LRP2BP: variants seen among roughly 807,000 people sequenced by gnomAD.
LRP2BP encodes the protein LRP2-binding protein.
Under a neutral mutation model 45.2 loss-of-function variants are expected in LRP2BP, and 38 were observed. The observed-to-expected ratio is 0.84, with a 90% confidence interval of 0.65 to 1.10. LRP2BP has a LOEUF of 1.10. Ranked by LOEUF, LRP2BP falls within the 50% of genes least tolerant of loss-of-function variation. The probability of loss-of-function intolerance (pLI) is 0.00; values close to 1 mark genes in which losing one functional copy is unlikely to be tolerated. For missense variants in LRP2BP, 385 were observed against 418.9 expected (o/e 0.92, Z 0.71); for synonymous variants, 153 against 153.9 (o/e 0.99, Z 0.04).
intron 1 of LRP2BP, chr4:185,378,934 A>G (rs1386959430): frequency 4.1e-6 from 4 of 985,442 alleles, no homozygotes; most frequent in Non-Finnish European, 4.8e-6. Flanking sequence ...TTGGTGGTCA[A>G]GAGAAGAAAT....
At chr4:185,385,628 C>T (rs1483668132) in intron 1 of LRP2BP, among the ~76,000 whole-genome samples, 2 of 152,174 alleles carry the variant, frequency 1.3e-5, no homozygotes, top group African/African-American at 4.8e-5. Context: ...CCAGGCCAGG[C>T]GCGGTGGCTC....
At chr4:185,389,391 T>C (rs1299717549) in intron 1 of LRP2BP, among the ~76,000 whole-genome samples, 2 of 150,920 alleles carry the variant, frequency 1.3e-5, no homozygotes, top group Non-Finnish European at 3.0e-5. Context: ...TTGTATTTTT[T>C]AATAGAGACG....
rs1312586080 is a variant in LRP2BP at position 185,395,507 on chromosome 4, ATC to A, written c.-752_-751del. The A allele has an allele frequency of 6.1e-6, 6 of 985,172 alleles. No homozygotes were observed. In the Admixed American group the frequency reaches 1.8e-4, roughly 30 times the overall value. The allele number at this position is 985,172 out of a possible 1,614,324, so 61.0% of individuals were successfully genotyped here. On this transcript the variant is annotated 5_prime_UTR_variant, in exon 1 of 9. The change abolishes the stop of an existing upstream ORF in the 5' untranslated region. Coordinates refer to ENST00000505916, the MANE Select transcript of LRP2BP (RefSeq NM_001377440.1). ...CTCACCTCACAAATCTGACAACAGT[ATC>A]TCTACACTGCCGTTCTTTAAACATC...
chr4:185,377,078 GT>G, intron 2 of LRP2BP, 60 bp from the exon 3 acceptor site: 1 of 1,181,278 alleles, frequency 8.5e-7, no homozygotes, highest in Non-Finnish European at 1.3e-6. Flanking sequence ...CTCTCTTGAA[GT>G]AATGAATCAT....
chr4:185,377,269 A>C, intron 2 of LRP2BP: 1 of 412,302 alleles, frequency 2.4e-6, no homozygotes, highest in Non-Finnish European at 4.5e-6. Flanking sequence ...TGTAAATCTC[A>C]GCACTCTGGG....
At chr4:185,368,454 C>T (rs1018530524) in intron 8 of LRP2BP, among the ~76,000 whole-genome samples, 10 of 149,498 alleles carry the variant, frequency 6.7e-5, no homozygotes, top group East Asian at 5.8e-4. Flanking sequence ...TCCCTTCCTG[C>T]GGGACACTGC....
upstream of LRP2BP, chr4:185,397,076 G>T (rs2095505465): frequency 1.6e-5 from 25 of 1,609,898 alleles, no homozygotes; most frequent in Non-Finnish European, 2.0e-5. Flanking sequence ...TGAAGGGCGG[G>T]GAGGTTTCCA....
chr4:185,377,913 G>C (rs2095443483), intron 2 of LRP2BP, 168 bp downstream of exon 2: 2 of 592,246 alleles, frequency 3.4e-6, no homozygotes, highest in African/African-American at 1.9e-5. Flanking sequence ...TTTGCTACCA[G>C]ATAAATGAGC....
chr4:185,378,856 T>A, intron 1 of LRP2BP: 5 of 985,428 alleles, frequency 5.1e-6, no homozygotes, highest in Non-Finnish European at 6.0e-6. Flanking sequence ...TTGTATTTAC[T>A]CCTTGGCATT....
intron 1 of LRP2BP, among the ~76,000 whole-genome samples, chr4:185,385,936 TCTTATA>T (rs1366696947): frequency 2.0e-5 from 3 of 149,232 alleles, no homozygotes; most frequent in Non-Finnish European, 4.4e-5. Context: ...AATAACATCA[TCTTATA>T]CTGTCAAGCT....
At chr4:185,386,876 G>A (rs1244307429) in intron 1 of LRP2BP, among the ~76,000 whole-genome samples, 1 of 152,202 alleles carries the variant, frequency 6.6e-6, no homozygotes, top group Non-Finnish European at 1.5e-5. Context: ...GTGGAGACAT[G>A]TACGTACATG....
intron 8 of LRP2BP, chr4:185,369,874 C>T: frequency 2.6e-6 from 1 of 382,062 alleles, no homozygotes; most frequent in South Asian, 2.1e-5. Flanking sequence ...AGCTTGGGAA[C>T]CACTGCTGTA....
rs1183855155 is a variant in LRP2BP at position 185,389,861 on chromosome 4, A to G, written c.-22+4918T>C. Among the ~76,000 whole-genome samples, 3 of 149,626 alleles carry G rather than the reference A, an allele frequency of 2.0e-5. No homozygotes were observed. The East Asian group carries it at 5.8e-4, about 29-fold the overall frequency. On this transcript the variant is annotated intron_variant, in intron 1 of 8. Coordinates refer to ENST00000505916, the MANE Select transcript of LRP2BP (RefSeq NM_001377440.1). ...AAGAATGACAGTGGAGATTAATAAAAGAGTGTTCAAAAATACCATGTGCAC... is the reference window on the plus strand; with the variant it reads ...AAGAATGACAGTGGAGATTAATAAAGGAGTGTTCAAAAATACCATGTGCAC...
chr4:185,372,406 G>A (rs2095418994), intron 7 of LRP2BP, among the ~76,000 whole-genome samples: 1 of 152,192 alleles, frequency 6.6e-6, no homozygotes, highest in African/African-American at 2.4e-5. Flanking sequence ...TAAAAGTTTA[G>A]TGCTAAGTTG....
intron 1 of LRP2BP, among the ~76,000 whole-genome samples, chr4:185,383,958 A>G (rs1033346920): frequency 6.6e-6 from 1 of 152,070 alleles, no homozygotes; most frequent in African/African-American, 2.4e-5. Flanking sequence ...TGTTGTTGCT[A>G]ATCTTGTTGT....
intron 1 of LRP2BP, among the ~76,000 whole-genome samples, chr4:185,391,293 A>G (rs892945420): frequency 6.6e-6 from 1 of 152,208 alleles, no homozygotes; most frequent in Admixed American, 6.5e-5. Flanking sequence ...GATGTGAACA[A>G]TTACTGGCCA....
chr4:185,388,970 G>A (rs1268356947), intron 1 of LRP2BP, among the ~76,000 whole-genome samples: 1 of 151,888 alleles, frequency 6.6e-6, no homozygotes, highest in African/African-American at 2.4e-5. Context: ...CCGCCTCCTG[G>A]ATTCAAGCAA....
chr4:185,369,657 T>C (rs981942754), intron 8 of LRP2BP: 5 of 387,552 alleles, frequency 1.3e-5, no homozygotes, highest in Middle Eastern at 3.6e-4. Context: ...TATGTGTCTA[T>C]GTTTATGTTT....
chr4:185,376,664 G>A lies in LRP2BP; in HGVS notation c.216+245C>T, dbSNP rs1579989896. Among the ~76,000 whole-genome samples, 3 of 151,870 alleles carry A rather than the reference G, an allele frequency of 2.0e-5. No homozygotes were observed. The Middle Eastern group carries it at 0.01, about 517-fold the overall frequency. Reference sequence around the variant, plus strand: ...AAATTTGATTTTTAATCTATAGTGTGAAATGGATTTTATACTAAAACGACT... The same window carrying A: ...AAATTTGATTTTTAATCTATAGTGTAAAATGGATTTTATACTAAAACGACT... On this transcript the variant is annotated intron_variant, in intron 3 of 8. Transcript: ENST00000505916.
Sources: allele counts gnomAD v4.1 joint callset (sites outside exome capture counted in the v4.1 genomes callset), GRCh38; gene constraint gnomAD v4.1.1; transcripts MANE v1.5; gene names NCBI Gene and HGNC (gene_info 2026-07-23, HGNC 2026-07-21).